Variants in SLC16A1 observed in about 807,000 individuals in gnomAD.
The protein encoded by SLC16A1 is solute carrier family 16 member 1.
SLC16A1 carries 11 observed loss-of-function variants against 32.2 expected under a neutral mutation model. The ratio of observed to expected loss-of-function variants is 0.34; its 90% CI spans 0.21 to 0.56. The LOEUF is 0.56. Among genes scored for constraint, SLC16A1 ranks in the 20% least tolerant of loss-of-function variants. SLC16A1 has a pLI of 0.87. For missense variants in SLC16A1, 435 were observed against 615.0 expected (o/e 0.71, Z 3.10); for synonymous variants, 231 against 226.8 (o/e 1.02, Z -0.17).
At chr1:112,922,697 C>T (rs1648780532) in intron 2 of SLC16A1, among the ~76,000 whole-genome samples, 1 of 151,898 alleles carries the variant, frequency 6.6e-6, no homozygotes, top group Admixed American at 6.6e-5. Context: ...ATGGCTTGAA[C>T]CTGGGAGGTG....
intron 2 of SLC16A1, among the ~76,000 whole-genome samples, chr1:112,925,337 T>A (rs961555107): frequency 6.6e-6 from 1 of 150,500 alleles, no homozygotes; most frequent in African/African-American, 2.5e-5. Context: ...GACTGACCTA[T>A]GTATCAGTTT....
Position 112,913,608 on chromosome 1 carries a change from A to G in SLC16A1, c.*283T>C. 2.3e-6 allele frequency: 1 copy of G among 431,480 alleles called. No homozygotes were observed. Among genetic ancestry groups the G allele is most frequent in the Admixed American group, 3.8e-5 (1 of 26,356 alleles). 26.7% of individuals were successfully genotyped at this position (431,480 alleles called of 1,614,324 possible). A position where few individuals can be genotyped will look rare whatever the true frequency, so the allele number is the denominator to read the frequency against. ...CTAGAGTTCTAAAGACTAAAACTTA[A>G]GGCACATATTATAATCTTTATGACA... On this transcript the variant is annotated 3_prime_UTR_variant, in exon 5 of 5. Transcript: ENST00000369626.
At chr1:112,916,592 T>C (rs1366960736) in intron 4 of SLC16A1, among the ~76,000 whole-genome samples, 1 of 151,832 alleles carries the variant, frequency 6.6e-6, no homozygotes, top group Non-Finnish European at 1.5e-5. Flanking sequence ...GTTGTTTTTC[T>C]ACATGCTTTT....
In SLC16A1 at chr1:112,913,796, T is replaced by A. The variant is rs1160935186; in HGVS notation, c.*95A>T. The A allele has an allele frequency of 7.0e-7, 1 of 1,432,372 alleles. No individual in the cohort carries two copies. Among genetic ancestry groups the A allele is most frequent in the African/African-American group, 1.4e-5 (1 of 71,188 alleles). 88.7% of individuals were successfully genotyped at this position (1,432,372 alleles called of 1,614,324 possible). A position where few individuals can be genotyped will look rare whatever the true frequency, so the allele number is the denominator to read the frequency against. The stretch of plus-strand genomic sequence containing the variant: ...TGATTTCCACACAAATGTCTACTAT[T>A]TGCATTGAGCACCACTGGTAGATTA... On this transcript the variant is annotated 3_prime_UTR_variant, in exon 5 of 5. Transcript: ENST00000369626.
At position 112,922,026 on chromosome 1, in the gene SLC16A1, C is replaced by T. The variant is rs754077369; in HGVS notation, c.325G>A (p.Val109Ile). The part of the protein sequence containing the change: ...GLIAASFCNT[V>I]QQLYVCIGVI... ...CCAATACAGACGTATAGTTGCTGTACGGTGTTACAGAAAGAAGCTGCAATC... is the reference window on the plus strand; with the variant it reads ...CCAATACAGACGTATAGTTGCTGTATGGTGTTACAGAAAGAAGCTGCAATC... Residue 109 changes from valine to isoleucine, a missense_variant, in exon 3 of 5, where the codon GTA becomes ATA. This residue lies in a region of SLC16A1 where 324 missense variants were observed against 500.3 expected (regional missense o/e 0.65). Coordinates refer to ENST00000369626, the MANE Select transcript of SLC16A1 (RefSeq NM_003051.4). 6 of 1,614,136 alleles carry T rather than the reference C, an allele frequency of 3.7e-6. No homozygotes were observed. The highest frequency in any genetic ancestry group is 4.2e-6 in the Non-Finnish European group (5 of 1,180,012).
chr1:112,934,375 C>T (rs1478695951), intron 1 of SLC16A1, among the ~76,000 whole-genome samples: 3 of 152,110 alleles, frequency 2.0e-5, no homozygotes, highest in African/African-American at 7.2e-5. Flanking sequence ...GGATAGAAAA[C>T]AGATCAGTGG....
intron 1 of SLC16A1, among the ~76,000 whole-genome samples, chr1:112,939,277 G>A (rs1649421697): frequency 6.6e-6 from 1 of 152,164 alleles, no homozygotes; most frequent in African/African-American, 2.4e-5. Flanking sequence ...TACACTGTTG[G>A]AGGGAATATA....
chr1:112,935,604 G>T lies in SLC16A1; in HGVS notation c.-44-6252C>A, dbSNP rs536272671. Among the ~76,000 whole-genome samples, 6 of 152,242 alleles carry T rather than the reference G, an allele frequency of 3.9e-5. No homozygotes were observed. The South Asian group carries it at 1.2e-3, about 32-fold the overall frequency. On this transcript the variant is annotated intron_variant, in intron 1 of 4. Transcript: ENST00000369626. ...TTTATCTAATGGGACTTTGGAAAAAGAGAATAGAGAATGGAGAAGAGACAA... is the reference window on the plus strand; with the variant it reads ...TTTATCTAATGGGACTTTGGAAAAATAGAATAGAGAATGGAGAAGAGACAA...
intron 1 of SLC16A1, chr1:112,935,842 T>C (rs1203850870): frequency 6.6e-6 from 1 of 150,828 alleles, no homozygotes; most frequent in Non-Finnish European, 1.5e-5. Context: ...TCTTCAAATA[T>C]TGCTTCTCCC....
intron 1 of SLC16A1, among the ~76,000 whole-genome samples, chr1:112,932,708 C>T (rs1302831939): frequency 4.1e-5 from 6 of 145,656 alleles, no homozygotes; most frequent in African/African-American, 5.1e-5. Context: ...GCAGGAGAAT[C>T]GCTTGAACCC....
rs1648345169 is a variant in SLC16A1 at position 112,912,217 on chromosome 1, C to CAT, written c.*1672_*1673dup. On this transcript the variant is annotated 3_prime_UTR_variant, in exon 5 of 5. Coordinates refer to ENST00000369626, the MANE Select transcript of SLC16A1 (RefSeq NM_003051.4). ...AGGAGAAATTCAAATGAAAATAAAT[C>CAT]ATATACACAAATATCAAGGTTCAAA... The CAT allele has an allele frequency of 6.6e-6, 1 of 152,232 alleles. No homozygotes were observed. The highest frequency in any genetic ancestry group is 2.4e-5 in the African/African-American group (1 of 41,472). 9.4% of individuals were successfully genotyped at this position (152,232 alleles called of 1,614,324 possible).
chr1:112,947,499 C>T (rs1373082558), intron 1 of SLC16A1, among the ~76,000 whole-genome samples: 2 of 152,112 alleles, frequency 1.3e-5, no homozygotes, highest in African/African-American at 2.4e-5. Context: ...CCTTTTCTTG[C>T]AAAGAGCTAA....
In SLC16A1 at chr1:112,916,496, TAAAAAA is replaced by T. The variant is rs570173297; in HGVS notation, c.1228+676_1228+681del. 8.6e-3 allele frequency among the ~76,000 whole-genome samples: 524 copies of T among 61,216 alleles called. 3 individuals are homozygous for T. The highest frequency in any genetic ancestry group is 0.032 in the African/African-American group (509 of 15,682). The allele number at this position is 61,216 out of a possible 152,430, so 40.2% of individuals were successfully genotyped here. On this transcript the variant is annotated intron_variant, in intron 4 of 4. Transcript: ENST00000369626. ...CTGGGCAACAAGACCAAGACTGTCT[TAAAAAA>T]AAAAAAAAAAAAAAAAAAAACTTAT... is the stretch of plus-strand genomic sequence containing the variant.
rs763038298 is a variant in SLC16A1 at position 112,929,268 on chromosome 1, G to A, written c.41C>T (p.Pro14Leu). 1 of 1,613,540 alleles carries A rather than the reference G, an allele frequency of 6.2e-7. No individual in the cohort carries two copies. Among genetic ancestry groups the A allele is most frequent in the Non-Finnish European group, 8.5e-7 (1 of 1,179,620 alleles). Residue 14 changes from proline to leucine, a missense_variant, in exon 2 of 5, where the codon CCA (proline) becomes CTA (leucine). Around this residue, in one of 2 missense-constraint regions of SLC16A1, gnomAD observed 324 missense variants for 500.3 expected, o/e 0.65. Coordinates refer to ENST00000369626, the MANE Select transcript of SLC16A1 (RefSeq NM_003051.4). ...AVGGPVGYTP[P>L]DGGWGWAVVI... The stretch of plus-strand genomic sequence containing the variant: ...CACTGCCCAGCCCCAGCCTCCATCT[G>A]GGGGGGTGTATCCAACTGGACCTCC...
At chr1:112,946,243 C>T (rs1296359208) in intron 1 of SLC16A1, among the ~76,000 whole-genome samples, 1 of 152,008 alleles carries the variant, frequency 6.6e-6, no homozygotes, top group Non-Finnish European at 1.5e-5. Flanking sequence ...GCAAAAGTAT[C>T]TTCAACTAAC....
chr1:112,936,274 G>C (rs1374217679), intron 1 of SLC16A1, among the ~76,000 whole-genome samples: 2 of 151,976 alleles, frequency 1.3e-5, no homozygotes, highest in Non-Finnish European at 1.5e-5. Flanking sequence ...TTGGGAGGCC[G>C]AGGCGGGTGG....
intron 2 of SLC16A1, 69 bp downstream of exon 2, chr1:112,929,021 TAA>T: frequency 9.3e-7 from 1 of 1,071,854 alleles, no homozygotes; most frequent in African/African-American, 1.6e-5. Flanking sequence ...TTTTTTTTTT[TAA>T]AGTTACCTAA....
chr1:112,953,427 T>G (rs1411994418), intron 1 of SLC16A1, among the ~76,000 whole-genome samples: 1 of 152,230 alleles, frequency 6.6e-6, no homozygotes, highest in Non-Finnish European at 1.5e-5. Context: ...CCTCCCAAAG[T>G]GTTGGGATTA....
intron 1 of SLC16A1, among the ~76,000 whole-genome samples, chr1:112,937,945 A>T (rs1008391012): frequency 1.3e-5 from 2 of 152,054 alleles, no homozygotes; most frequent in African/African-American, 4.8e-5. Context: ...ATTTTCTGAT[A>T]TTTTTTTCTC....
Sources: gnomAD v4.1 joint callset for allele counts (sites outside exome capture counted in the v4.1 genomes callset) on GRCh38, gnomAD v4.1.1 for gene constraint, gnomAD v4.1.1 regional missense constraint, MANE v1.5 for transcripts, NCBI Gene and HGNC (gene_info 2026-07-23, HGNC 2026-07-21) for gene names.